The following ZNF462 variants were observed in gnomAD, a reference collection of about 807,000 sequenced individuals.
ZNF462 encodes zinc finger PBX1-interacting protein.
ZNF462 carries 10 observed loss-of-function variants against 201.9 expected under a neutral mutation model. The observed-to-expected ratio is 0.05, with a 90% CI of 0.03 to 0.08. The LOEUF (loss-of-function observed/expected upper bound fraction) is 0.08, where lower values mean the gene tolerates loss of function less well. Among genes scored for constraint, ZNF462 ranks in the 10% least tolerant of loss-of-function variants. The pLI is 1.00. For synonymous variants in ZNF462, 1,227 were observed against 1,193.3 expected (o/e 1.03, Z -0.58); for missense variants, 2,523 against 3,168.3 (o/e 0.80, Z 4.89).
chr9:106,988,057 G>T (rs972165059), intron 10 of ZNF462, among the ~76,000 whole-genome samples: 1 of 152,050 alleles, frequency 6.6e-6, no homozygotes, highest in African/African-American at 2.4e-5. Context: ...CTGTTTTGGT[G>T]AGGAACAGCA....
intron 9 of ZNF462, chr9:106,976,437 G>T (rs917291661): frequency 6.6e-6 from 1 of 152,226 alleles, no homozygotes; most frequent in Non-Finnish European, 1.5e-5. Flanking sequence ...AGTGTGTGAC[G>T]TAGTGCATAT....
chr9:106,923,227 G>A lies in ZNF462; in HGVS notation c.-30-127G>A. Reference sequence around the variant, plus strand: ...CTCTCTTTAGCCAATGTTCCAACTGGCAAAGTCCAATAAGAGAAATCTACT... The same window carrying A: ...CTCTCTTTAGCCAATGTTCCAACTGACAAAGTCCAATAAGAGAAATCTACT... On this transcript the variant is annotated intron_variant, in intron 1 of 12. Coordinates refer to ENST00000277225, the MANE Select transcript of ZNF462 (RefSeq NM_021224.6). The surrounding 1 kb of genome is among the most constrained non-coding windows in gnomAD (Gnocchi z 5.6). The A allele has an allele frequency of 1.5e-6, 1 of 673,482 alleles. No homozygotes were observed. The highest frequency in any genetic ancestry group is 2.5e-6 in the Non-Finnish European group (1 of 392,370). The allele number at this position is 673,482 out of a possible 1,614,324, so 41.7% of individuals were successfully genotyped here.
rs1367959475 is a variant in ZNF462 at position 106,931,747 on chromosome 9, G to T, written c.6013-699G>T. ...CTCCTTAATTTTTTGAATTGATTAT[G>T]CAGCAGTCTCCAGTCATAGAGTGAA... On this transcript the variant is annotated intron_variant, in intron 4 of 12. Transcript: ENST00000277225. 3.3e-5 allele frequency among the ~76,000 whole-genome samples: 5 copies of T among 152,360 alleles called. No individual in the cohort carries two copies. The South Asian group carries it at 8.3e-4, about 25-fold the overall frequency.
At chr9:106,952,931 A>G (rs1831416223) in intron 7 of ZNF462, among the ~76,000 whole-genome samples, 1 of 152,176 alleles carries the variant, frequency 6.6e-6, no homozygotes. Flanking sequence ...TAGGGGGCAC[A>G]TCAGCCTGAC....
At chr9:106,889,003 T>C (rs1367724721) in intron 1 of ZNF462, among the ~76,000 whole-genome samples, 1 of 152,246 alleles carries the variant, frequency 6.6e-6, no homozygotes, top group Non-Finnish European at 1.5e-5. Flanking sequence ...ATGATCCCCT[T>C]TCACTTTAAC....
At chr9:106,878,877 TAG>T (rs1430920261) in intron 1 of ZNF462, among the ~76,000 whole-genome samples, 1 of 152,238 alleles carries the variant, frequency 6.6e-6, no homozygotes, top group Admixed American at 6.5e-5. Context: ...TGGTGTGAAG[TAG>T]AGTTTCCAGT....
At chr9:106,941,881 TAA>T (rs1830887302) in intron 7 of ZNF462, among the ~76,000 whole-genome samples, 2 of 152,228 alleles carry the variant, frequency 1.3e-5, no homozygotes, top group South Asian at 4.1e-4. Flanking sequence ...TAGAAACAGC[TAA>T]GTCTACAGGA....
rs1316244834 is a variant in ZNF462 at position 106,865,843 on chromosome 9, C to T, written c.-31+2488C>T. ...TTTGAAAAAAGGACCCAGTGCTACCCTAGTCCACACACATTGATGGGAGCT... is the reference window on the plus strand; with the variant it reads ...TTTGAAAAAAGGACCCAGTGCTACCTTAGTCCACACACATTGATGGGAGCT... On this transcript the variant is annotated intron_variant, in intron 1 of 12. Coordinates refer to ENST00000277225, the MANE Select transcript of ZNF462 (RefSeq NM_021224.6). The surrounding 1 kb of genome is among the most constrained non-coding windows in gnomAD (Gnocchi z 4.1). Among the ~76,000 whole-genome samples the T allele has an allele frequency of 6.6e-6, 1 of 152,194 alleles. No individual in the cohort carries two copies. The highest frequency in any genetic ancestry group is 2.4e-5 in the African/African-American group (1 of 41,434).
At chr9:106,973,964 G>A (rs1394945462) in intron 8 of ZNF462, among the ~76,000 whole-genome samples, 173 bp from the exon 9 acceptor site, 1 of 151,898 alleles carries the variant, frequency 6.6e-6, no homozygotes, top group Non-Finnish European at 1.5e-5. Flanking sequence ...TTCAGATTCG[G>A]TTGAGTGACC....
At chr9:106,898,171 G>A (rs1388559921) in intron 1 of ZNF462, among the ~76,000 whole-genome samples, 3 of 152,152 alleles carry the variant, frequency 2.0e-5, no homozygotes, top group Non-Finnish European at 4.4e-5. Context: ...CCAAATAGAG[G>A]AAGAACAATG....
chr9:106,978,893 G>A lies in ZNF462; in HGVS notation c.6832+4620G>A. On this transcript the variant is annotated intron_variant, in intron 9 of 12. Transcript: ENST00000277225. This position sits in a 1 kb window ranked among gnomAD's most constrained non-coding sequence, Gnocchi z 4.1. ...AGTGATGTGGGATCTCATCATATCT[G>A]TCATTATAATTGGTCCTGATGGCTT... 3.2e-6 allele frequency: 1 copy of A among 308,560 alleles called. No homozygotes were observed. The highest frequency in any genetic ancestry group is 6.1e-6 in the Non-Finnish European group (1 of 162,862). 19.1% of individuals were successfully genotyped at this position (308,560 alleles called of 1,614,324 possible). A position where few individuals can be genotyped will look rare whatever the true frequency, so the allele number is the denominator to read the frequency against.
At position 106,924,121 on chromosome 9, in the gene ZNF462, C is replaced by A; in HGVS notation, c.221-12C>A. 2 of 1,579,402 alleles carry A rather than the reference C, an allele frequency of 1.3e-6. No homozygotes were observed. Among genetic ancestry groups the A allele is most frequent in the Non-Finnish European group, 1.7e-6 (2 of 1,165,336 alleles). ...CTTTTGCTTTGTCACTTTCCTTATG[C>A]TTTTTCTTTAGGTCAAAATGCAACT... On this transcript the variant is annotated splice_polypyrimidine_tract_variant and intron_variant, in intron 2 of 12. Coordinates refer to ENST00000277225, the MANE Select transcript of ZNF462 (RefSeq NM_021224.6). The surrounding 1 kb of genome is among the most constrained non-coding windows in gnomAD (Gnocchi z 6.2).
chr9:106,927,014 T>C lies in ZNF462; in HGVS notation c.3102T>C (p.Val1034=). The change falls in exon 3 of 13, where the codon GTT becomes GTC. Residue 1034 remains valine (V), a synonymous_variant. Coordinates refer to ENST00000277225, the MANE Select transcript of ZNF462 (RefSeq NM_021224.6). ...CTGTTGTTGTTTATGATTGTGATGT[T>C]TGTTCGTTTGCAAGCCCCAACATGC... ...VNTVVVYDCD[V]CSFASPNMHS... The C allele has an allele frequency of 6.2e-7, 1 of 1,614,152 alleles. No homozygotes were observed. The highest frequency in any genetic ancestry group is 2.2e-5 in the East Asian group (1 of 44,886).
chr9:106,911,619 T>C (rs770626537), intron 1 of ZNF462, among the ~76,000 whole-genome samples: 13 of 152,236 alleles, frequency 8.5e-5, no homozygotes, highest in South Asian at 4.1e-4. Context: ...ACCACTGTCG[T>C]AAAGGATGGG....
intron 7 of ZNF462, among the ~76,000 whole-genome samples, chr9:106,956,765 G>A (rs1831593505): frequency 6.6e-6 from 1 of 152,116 alleles, no homozygotes. Context: ...TTTCTGCTTT[G>A]AAGACAGCTT....
rs1827553896 is a variant in ZNF462, at chr9:106,870,781, C to T, written c.-31+7426C>T. Among the ~76,000 whole-genome samples, 1 of 152,124 alleles carries T rather than the reference C, an allele frequency of 6.6e-6. No individual in the cohort carries two copies. The highest frequency in any genetic ancestry group is 2.4e-5 in the African/African-American group (1 of 41,432). ...GACAACTGTGTCAGAAGTAATAAAG[C>T]CCAGGATTTGTGGAGAGAGCTTAGC... On this transcript the variant is annotated intron_variant, in intron 1 of 12. Transcript: ENST00000277225. This position sits in a 1 kb window ranked among gnomAD's most constrained non-coding sequence, Gnocchi z 4.3.
intron 7 of ZNF462, among the ~76,000 whole-genome samples, chr9:106,945,304 A>G (rs1229327997): frequency 2.6e-5 from 4 of 152,240 alleles, no homozygotes; most frequent in Non-Finnish European, 5.9e-5. Context: ...CTATCAACTC[A>G]TTTAACCTTG....
Position 106,929,147 on chromosome 9 carries a change from C to A in ZNF462, c.5235C>A (p.Ile1745=), listed in dbSNP as rs748308845. The change falls in exon 3 of 13, where the codon ATC becomes ATA. Residue 1745 remains isoleucine (I), a synonymous_variant. Coordinates refer to ENST00000277225, the MANE Select transcript of ZNF462 (RefSeq NM_021224.6). This position sits in a 1 kb window ranked among gnomAD's most constrained non-coding sequence, Gnocchi z 8.7. ...GCGACAAGCCCAACAAAGTGATCAT[C>A]CCATCCCCGCCCAAGGACGACTCCC... The part of the protein sequence containing the change: ...TISDKPNKVI[I]PSPPKDDSPQ... 1 of 1,614,128 alleles carries A rather than the reference C, an allele frequency of 6.2e-7. No homozygotes were observed. The highest frequency in any genetic ancestry group is 1.1e-5 in the South Asian group (1 of 91,078).
intron 1 of ZNF462, among the ~76,000 whole-genome samples, chr9:106,899,242 G>T (rs868140342): frequency 0.17 from 18,700 of 107,368 alleles, 1,171 homozygotes; most frequent in African/African-American, 0.27. Context: ...GTGTGTGTGG[G>T]GGGGGGGGGG....
Sources: allele counts gnomAD v4.1 joint callset (sites outside exome capture counted in the v4.1 genomes callset), GRCh38; gene constraint gnomAD v4.1.1; non-coding constraint Gnocchi (gnomAD v3.1); transcripts MANE v1.5; gene names NCBI Gene and HGNC (gene_info 2026-07-23, HGNC 2026-07-21).